Variants in ICA1 observed in about 807,000 individuals in gnomAD.
ICA1 encodes 69 kDa islet cell autoantigen.
Under a neutral mutation model 71.0 loss-of-function variants are expected in ICA1, and 40 were observed. That is an observed-to-expected ratio of 0.56 (90% CI 0.44 to 0.73). The LOEUF is 0.73. Ranked by LOEUF, ICA1 falls within the 30% of genes least tolerant of loss-of-function variation. ICA1 has a pLI of 0.00. For missense variants in ICA1, 578 were observed against 576.5 expected (o/e 1.00, Z -0.03); for synonymous variants, 207 against 209.5 (o/e 0.99, Z 0.10).
At chr7:8,221,224 C>A in intron 5 of ICA1, 51 bp downstream of exon 5, 1 of 1,609,442 alleles carries the variant, frequency 6.2e-7, no homozygotes, top group Middle Eastern at 1.9e-4. Context: ...TAGGTGGGTC[C>A]CGGAGTCTCC....
intron 1 of ICA1, among the ~76,000 whole-genome samples, chr7:8,260,827 G>A (rs1464548548): frequency 1.3e-5 from 2 of 152,274 alleles, no homozygotes; most frequent in African/African-American, 2.4e-5. Context: ...ATTGCATCGG[G>A]AGCCTAGATT....
Position 8,114,034 on chromosome 7 carries a change from C to A in ICA1, c.1341G>T (p.Lys447Asn), listed in dbSNP as rs1167112414. The A allele has an allele frequency of 2.5e-6, 4 of 1,613,992 alleles. No homozygotes were observed. Among genetic ancestry groups the A allele is most frequent in the Non-Finnish European group, 3.4e-6 (4 of 1,180,020 alleles). ...ACCAGGCAGTCAGGTCTGAGGCAGC[C>A]TTAGCAGGTTCTGGGGAGAGAAGAG... ...DLQASLQEPA[K>N]AASDLTAWFS... is the part of the protein sequence containing the mutation. Residue 447 changes from lysine to asparagine, a missense_variant, in exon 14 of 14, where the codon AAG becomes AAT. Coordinates refer to ENST00000402384, the MANE Select transcript of ICA1 (RefSeq NM_001136020.3).
At chr7:8,254,109 C>T (rs756769037) in intron 1 of ICA1, among the ~76,000 whole-genome samples, 2 of 152,192 alleles carry the variant, frequency 1.3e-5, no homozygotes, top group Non-Finnish European at 2.9e-5. Flanking sequence ...GTCCAACCTC[C>T]TCTTTTCACT....
chr7:8,121,497 C>T (rs527465209), intron 13 of ICA1, among the ~76,000 whole-genome samples: 6 of 152,158 alleles, frequency 3.9e-5, no homozygotes, highest in East Asian at 1.9e-4. Context: ...CTAAGCCAGG[C>T]GCAGAAAGAC....
chr7:8,167,635 TA>T (rs199502925), intron 6 of ICA1, among the ~76,000 whole-genome samples: 5 of 151,820 alleles, frequency 3.3e-5, no homozygotes, highest in South Asian at 4.2e-4. Flanking sequence ...AAATAAATGT[TA>T]AAAAAAAGCA....
intron 3 of ICA1, 76 bp downstream of exon 3, chr7:8,232,514 G>A: frequency 8.0e-7 from 1 of 1,247,146 alleles, no homozygotes; most frequent in Non-Finnish European, 1.1e-6. Context: ...ACCCAGCTCT[G>A]CCTCAGTGAG....
At chr7:8,121,750 A>T (rs879394612) in intron 13 of ICA1, among the ~76,000 whole-genome samples, 7 of 152,210 alleles carry the variant, frequency 4.6e-5, no homozygotes, top group Non-Finnish European at 1.0e-4. Context: ...TAACCCAAAG[A>T]GTATAATTGG....
intron 8 of ICA1, among the ~76,000 whole-genome samples, chr7:8,147,827 G>C (rs1797560767): frequency 6.6e-6 from 1 of 151,830 alleles, no homozygotes; most frequent in African/African-American, 2.4e-5. Flanking sequence ...ATGTCATTTT[G>C]TTATAATGTT....
Position 8,144,095 on chromosome 7 carries a change from T to A in ICA1, c.805-123A>T. 1.6e-6 allele frequency: 1 copy of A among 633,744 alleles called. No homozygotes were observed. 39.3% of individuals were successfully genotyped at this position (633,744 alleles called of 1,614,324 possible). A position where few individuals can be genotyped will look rare whatever the true frequency, so the allele number is the denominator to read the frequency against. ...TGCCATTTGTCCCAGCAACCAAACT[T>A]TGAATTACAGGTATTGGGAGGTGAC... On this transcript the variant is annotated intron_variant, in intron 8 of 13. Transcript: ENST00000402384. This position sits in a 1 kb window ranked among gnomAD's most constrained non-coding sequence, Gnocchi z 4.5.
chr7:8,195,977 C>CACAACAACAACAACA (rs202049966), intron 6 of ICA1, among the ~76,000 whole-genome samples: 20 of 129,328 alleles, frequency 1.5e-4, no homozygotes, highest in African/African-American at 4.7e-4. Context: ...GGCTCCGTCT[C>CACAACAACAACAACA]ACAACAACAA....
intron 1 of ICA1, among the ~76,000 whole-genome samples, chr7:8,238,002 A>G (rs984389248): frequency 9.2e-5 from 14 of 152,212 alleles, no homozygotes; most frequent in African/African-American, 2.9e-4. Flanking sequence ...AGTGATATAC[A>G]CAGGTCCAGA....
chr7:8,244,417 T>C (rs552260534), intron 1 of ICA1, among the ~76,000 whole-genome samples: 2 of 152,176 alleles, frequency 1.3e-5, no homozygotes, highest in African/African-American at 4.8e-5. Flanking sequence ...TCAAGATGGA[T>C]TAAAGACTTA....
At chr7:8,192,675 CA>C (rs1263214924) in intron 6 of ICA1, among the ~76,000 whole-genome samples, 1 of 129,650 alleles carries the variant, frequency 7.7e-6, no homozygotes, top group African/African-American at 3.0e-5. Flanking sequence ...TGATGGCTTG[CA>C]AAATATGATT....
Position 8,141,962 on chromosome 7 carries a change from C to T in ICA1, c.903-145G>A, listed in dbSNP as rs1253142923. 3.3e-6 allele frequency: 5 copies of T among 1,504,194 alleles called. No homozygotes were observed. In the Admixed American group the frequency reaches 1.0e-4, roughly 30 times the overall value. The allele number at this position is 1,504,194 out of a possible 1,614,324, so 93.2% of individuals were successfully genotyped here. On this transcript the variant is annotated intron_variant, in intron 9 of 13. Coordinates refer to ENST00000402384, the MANE Select transcript of ICA1 (RefSeq NM_001136020.3). ...ACACGAAGAAGGGTCAACATATAGT[C>T]ATTTACATGCCAATTTGCTGGCCTT... is the stretch of plus-strand genomic sequence containing the variant.
intron 8 of ICA1, among the ~76,000 whole-genome samples, chr7:8,147,667 T>C (rs17330214): frequency 6.8e-6 from 1 of 146,544 alleles, no homozygotes; most frequent in East Asian, 2.0e-4. Context: ...TATTAAATAT[T>C]AGAATTTTGA....
chr7:8,137,708 T>A (rs1344331252), intron 12 of ICA1, among the ~76,000 whole-genome samples: 1 of 152,352 alleles, frequency 6.6e-6, no homozygotes, highest in Non-Finnish European at 1.5e-5. Flanking sequence ...TACTGCATAG[T>A]ATGCTACCTG....
At chr7:8,128,546 A>T (rs1368207271) in intron 12 of ICA1, among the ~76,000 whole-genome samples, 1 of 152,208 alleles carries the variant, frequency 6.6e-6, no homozygotes, top group Non-Finnish European at 1.5e-5. Flanking sequence ...CCTGGGCTGG[A>T]ACAGCAACAC....
chr7:8,203,974 A>G (rs909726901), intron 6 of ICA1, among the ~76,000 whole-genome samples: 10 of 152,118 alleles, frequency 6.6e-5, no homozygotes, highest in African/African-American at 2.4e-4. Context: ...TTCACCTCAA[A>G]AAACGACTCC....
chr7:8,218,563 G>C (rs1326645104), intron 5 of ICA1, 60 bp from the exon 6 acceptor site: 9 of 1,381,892 alleles, frequency 6.5e-6, no homozygotes, highest in Non-Finnish European at 8.2e-6. Context: ...TTAAATCCTT[G>C]ACATTCTGCC....
Sources: gnomAD v4.1 joint callset for allele counts (sites outside exome capture counted in the v4.1 genomes callset) on GRCh38, gnomAD v4.1.1 for gene constraint, Gnocchi (gnomAD v3.1) non-coding constraint, MANE v1.5 for transcripts, NCBI Gene and HGNC (gene_info 2026-07-23, HGNC 2026-07-21) for gene names.